The following TBC1D5 variants were observed in gnomAD, a reference collection of about 807,000 sequenced individuals.
TBC1D5 encodes TBC1 domain family, member 5.
In TBC1D5, 75 loss-of-function variants were observed where a neutral mutation model predicts 100.3. That is an observed-to-expected ratio of 0.75 (90% CI 0.62 to 0.91). The LOEUF (loss-of-function observed/expected upper bound fraction) is 0.91. Ranked by LOEUF, TBC1D5 falls within the 40% of genes least tolerant of loss-of-function variation. TBC1D5 has a pLI of 0.00. For missense variants in TBC1D5, 910 were observed against 942.4 expected (o/e 0.97, Z 0.45); for synonymous variants, 323 against 325.6 (o/e 0.99, Z 0.09).
At chr3:17,612,739 G>A (rs1004085303) in intron 2 of TBC1D5, among the ~76,000 whole-genome samples, 1 of 151,980 alleles carries the variant, frequency 6.6e-6, no homozygotes, top group Non-Finnish European at 1.5e-5. Flanking sequence ...GGGAATACCT[G>A]GGAAATCCTA....
intron 21 of TBC1D5, among the ~76,000 whole-genome samples, chr3:17,165,421 A>ATGAT (rs2066498753): frequency 6.6e-6 from 1 of 152,256 alleles, no homozygotes; most frequent in Non-Finnish European, 1.5e-5. Flanking sequence ...GAATAAATAA[A>ATGAT]TGATTGAAAA....
At chr3:17,532,591 G>A (rs2096241524) in intron 2 of TBC1D5, among the ~76,000 whole-genome samples, 1 of 152,130 alleles carries the variant, frequency 6.6e-6, no homozygotes, top group South Asian at 2.1e-4. Flanking sequence ...CAACCCAAAT[G>A]TCCAACAATG....
intron 12 of TBC1D5, among the ~76,000 whole-genome samples, chr3:17,373,942 C>T (rs1458392055): frequency 6.6e-6 from 1 of 151,956 alleles, no homozygotes; most frequent in Non-Finnish European, 1.5e-5. Flanking sequence ...GGATGTTTGC[C>T]TGCTAACCCT....
chr3:17,255,363 T>A (rs1574980019), intron 16 of TBC1D5, among the ~76,000 whole-genome samples: 1 of 151,830 alleles, frequency 6.6e-6, no homozygotes, highest in South Asian at 2.1e-4. Context: ...ACCACTCCCG[T>A]CTAATTTTTT....
At chr3:17,475,439 T>C (rs2095427082) in intron 3 of TBC1D5, among the ~76,000 whole-genome samples, 1 of 152,104 alleles carries the variant, frequency 6.6e-6, no homozygotes, top group Admixed American at 6.5e-5. Context: ...TAATTTTCCA[T>C]CAATTTCCAA....
intron 16 of TBC1D5, among the ~76,000 whole-genome samples, chr3:17,253,076 T>C (rs894089014): frequency 1.3e-5 from 2 of 152,230 alleles, no homozygotes; most frequent in African/African-American, 4.8e-5. Flanking sequence ...CATACTGTTT[T>C]GAAACCTAAA....
chr3:17,671,174 T>C (rs2067891501), intron 1 of TBC1D5, among the ~76,000 whole-genome samples: 1 of 152,330 alleles, frequency 6.6e-6, no homozygotes, highest in South Asian at 2.1e-4. Flanking sequence ...TTTCCAAATA[T>C]AAAATTATCT....
At chr3:17,687,629 C>T (rs546066713) in intron 1 of TBC1D5, among the ~76,000 whole-genome samples, 21 of 152,210 alleles carry the variant, frequency 1.4e-4, no homozygotes, top group African/African-American at 4.6e-4. Flanking sequence ...TTTGCTCTAC[C>T]GTACAGTTTC....
At chr3:17,494,749 C>G (rs2095683565) in intron 3 of TBC1D5, among the ~76,000 whole-genome samples, 1 of 152,212 alleles carries the variant, frequency 6.6e-6, no homozygotes, top group Non-Finnish European at 1.5e-5. Context: ...TCGGGGAAAA[C>G]CGCTGACTGG....
At chr3:17,741,831 T>G (rs4550848), upstream of TBC1D5, among the ~76,000 whole-genome samples, 1 of 132,092 alleles carries the variant, frequency 7.6e-6, no homozygotes, top group African/African-American at 2.9e-5. Context: ...TTTTTTTTTT[T>G]GCTCTTATCC....
chr3:17,606,368 T>C (rs1024860080), intron 2 of TBC1D5, among the ~76,000 whole-genome samples: 2 of 152,126 alleles, frequency 1.3e-5, no homozygotes, highest in African/African-American at 4.8e-5. Flanking sequence ...GAGGATTGCT[T>C]GAACCCAGGA....
intron 18 of TBC1D5, among the ~76,000 whole-genome samples, chr3:17,187,349 C>T (rs145243942): frequency 9.7e-4 from 148 of 152,276 alleles, no homozygotes; most frequent in Middle Eastern, 3.4e-3. Flanking sequence ...AGCTACCATG[C>T]TGTAAAGAAG....
chr3:17,569,531 T>G (rs2153501959), intron 2 of TBC1D5, among the ~76,000 whole-genome samples: 1 of 151,794 alleles, frequency 6.6e-6, no homozygotes, highest in East Asian at 1.9e-4. Context: ...TGAATTTAAT[T>G]TTAAATAAAT....
At chr3:17,553,424 A>T (rs182582981) in intron 2 of TBC1D5, among the ~76,000 whole-genome samples, 1 of 152,288 alleles carries the variant, frequency 6.6e-6, no homozygotes, top group African/African-American at 2.4e-5. Flanking sequence ...ATGGTACAAC[A>T]CCAAGGGAGG....
chr3:17,660,255 A>G (rs956308630), intron 1 of TBC1D5, among the ~76,000 whole-genome samples: 2 of 152,218 alleles, frequency 1.3e-5, no homozygotes, highest in Admixed American at 1.3e-4. Flanking sequence ...AGAAACTAAA[A>G]TCTTGATCAA....
intron 3 of TBC1D5, among the ~76,000 whole-genome samples, chr3:17,501,968 CAA>C (rs2095792401): frequency 6.7e-6 from 1 of 149,696 alleles, no homozygotes; most frequent in Non-Finnish European, 1.5e-5. Context: ...ACTTATCAAA[CAA>C]GAGATTAAAA....
intron 1 of TBC1D5, among the ~76,000 whole-genome samples, chr3:17,715,399 A>G (rs2075137363): frequency 6.6e-6 from 1 of 152,186 alleles, no homozygotes; most frequent in Non-Finnish European, 1.5e-5. Flanking sequence ...GAGACCAAGT[A>G]TCAGTATATA....
At chr3:17,538,684 C>T (rs2096312197) in intron 2 of TBC1D5, among the ~76,000 whole-genome samples, 1 of 152,210 alleles carries the variant, frequency 6.6e-6, no homozygotes, top group Non-Finnish European at 1.5e-5. Context: ...AGATTCACCA[C>T]TGCTAACAGG....
chr3:17,379,814 CAATT>C (rs1392937706), intron 9 of TBC1D5, among the ~76,000 whole-genome samples: 2 of 151,856 alleles, frequency 1.3e-5, no homozygotes, highest in Admixed American at 6.6e-5. Context: ...AGATTAACAA[CAATT>C]AATAAGAATA....
Sources: gnomAD v4.1 joint callset for allele counts (sites outside exome capture counted in the v4.1 genomes callset) on GRCh38, gnomAD v4.1.1 for gene constraint, MANE v1.5 for transcripts, NCBI Gene and HGNC (gene_info 2026-07-23, HGNC 2026-07-21) for gene names.